MBD5: variants seen among roughly 807,000 people sequenced by gnomAD.
The protein encoded by MBD5 is methyl-CpG-binding domain protein 5.
MBD5 carries 13 observed loss-of-function variants against 117.3 expected under a neutral mutation model. That is an observed-to-expected ratio of 0.11 (90% CI 0.07 to 0.18). The LOEUF is 0.18. Ranked by LOEUF, MBD5 falls within the 10% of genes least tolerant of loss-of-function variation. The pLI, the probability that MBD5 is intolerant of heterozygous loss-of-function variation, is 1.00. For missense variants in MBD5, 1,879 were observed against 2,093.8 expected (o/e 0.90, Z 2.00); for synonymous variants, 727 against 766.4 (o/e 0.95, Z 0.85).
At chr2:148,043,070 G>A (rs1415427085) in intron 1 of MBD5, among the ~76,000 whole-genome samples, 3 of 151,896 alleles carry the variant, frequency 2.0e-5, no homozygotes, top group African/African-American at 7.3e-5. Context: ...CACCTGTATC[G>A]GAATCACCTG....
chr2:148,309,170 G>T (rs1248172503), intron 3 of MBD5, among the ~76,000 whole-genome samples: 1 of 152,090 alleles, frequency 6.6e-6, no homozygotes, highest in Non-Finnish European at 1.5e-5. Flanking sequence ...ATTTAAAGTA[G>T]TTTTTTCTAA....
At chr2:148,258,087 G>A (rs775559417) in intron 3 of MBD5, among the ~76,000 whole-genome samples, 2 of 152,054 alleles carry the variant, frequency 1.3e-5, no homozygotes, top group South Asian at 2.1e-4. Flanking sequence ...ATGTCCATCT[G>A]GCAAGCAGTA....
chr2:148,169,632 G>GA (rs1405506377), intron 1 of MBD5, among the ~76,000 whole-genome samples: 2 of 152,022 alleles, frequency 1.3e-5, no homozygotes, highest in Non-Finnish European at 2.9e-5. Flanking sequence ...TGCTTGTGAG[G>GA]AAAAAAAGAG....
chr2:148,191,102 T>C (rs1698816727), intron 2 of MBD5, among the ~76,000 whole-genome samples: 1 of 104,810 alleles, frequency 9.5e-6, no homozygotes, highest in Non-Finnish European at 1.9e-5. Context: ...CCCAGATTCA[T>C]AAAGCAAGTC....
intron 1 of MBD5, among the ~76,000 whole-genome samples, chr2:148,126,603 TG>T (rs1045208832): frequency 6.6e-6 from 1 of 152,150 alleles, no homozygotes; most frequent in Non-Finnish European, 1.5e-5. Context: ...AAGCAATCCT[TG>T]TTTATACTTA....
chr2:148,289,094 A>G (rs750616561), intron 3 of MBD5, among the ~76,000 whole-genome samples: 2 of 152,206 alleles, frequency 1.3e-5, no homozygotes, highest in Non-Finnish European at 2.9e-5. Context: ...CAACTTCCCA[A>G]ACTATAAGCT....
intron 2 of MBD5, chr2:148,219,915 A>G (rs1029389336): frequency 6.6e-6 from 1 of 152,224 alleles, no homozygotes; most frequent in Non-Finnish European, 1.5e-5. Flanking sequence ...GAATGGCTAA[A>G]GATCACCAGG....
chr2:148,138,226 T>C (rs193150703), intron 1 of MBD5, among the ~76,000 whole-genome samples: 1 of 152,352 alleles, frequency 6.6e-6, no homozygotes, highest in Non-Finnish European at 1.5e-5. Context: ...GTACAACTTA[T>C]ATGTATTTTT....
intron 1 of MBD5, among the ~76,000 whole-genome samples, chr2:148,022,511 A>G (rs1693782935): frequency 6.6e-6 from 1 of 152,164 alleles, no homozygotes; most frequent in South Asian, 2.1e-4. Flanking sequence ...GTATATTTGT[A>G]ATCTTTGTAA....
At chr2:148,352,207 T>C (rs928850012) in intron 4 of MBD5, among the ~76,000 whole-genome samples, 6 of 152,058 alleles carry the variant, frequency 3.9e-5, no homozygotes, top group African/African-American at 1.4e-4. Flanking sequence ...TCTCCTCCTT[T>C]GCTTGAAGGC....
rs1682266192 is a variant in MBD5, at chr2:148,513,071, G to C, written c.*130G>C. On this transcript the variant is annotated 3_prime_UTR_variant, in exon 14 of 14. Coordinates refer to ENST00000642680, the MANE Select transcript of MBD5 (RefSeq NM_001378120.1). ...GGCAGATAGCTACCACCACCACAGG[G>C]TGCTAAAAGAAACAGTGATACAAAA... The C allele has an allele frequency of 7.4e-6, 7 of 948,238 alleles. No individual in the cohort carries two copies. The Admixed American group carries it at 1.5e-4, about 21-fold the overall frequency. 58.7% of individuals were successfully genotyped at this position (948,238 alleles called of 1,614,324 possible). A position where few individuals can be genotyped will look rare whatever the true frequency, so the allele number is the denominator to read the frequency against.
At chr2:148,337,587 T>C (rs901825239) in intron 3 of MBD5, among the ~76,000 whole-genome samples, 31 of 152,136 alleles carry the variant, frequency 2.0e-4, no homozygotes, top group African/African-American at 7.2e-4. Flanking sequence ...CTCTGGGGAA[T>C]GAAGAGACAG....
intron 2 of MBD5, among the ~76,000 whole-genome samples, chr2:148,197,823 T>TG (rs1187197402): frequency 1.3e-4 from 20 of 149,268 alleles, no homozygotes; most frequent in African/African-American, 4.7e-4. Flanking sequence ...TTTTTGTTTT[T>TG]TTTTTTTGAG....
intron 1 of MBD5, among the ~76,000 whole-genome samples, chr2:148,086,159 C>T (rs1391337563): frequency 6.6e-6 from 1 of 150,432 alleles, no homozygotes; most frequent in East Asian, 2.0e-4. Flanking sequence ...TAAATATATA[C>T]ATGGTATATA....
intron 2 of MBD5, among the ~76,000 whole-genome samples, chr2:148,179,811 T>C (rs1041965664): frequency 1.3e-5 from 2 of 152,208 alleles, no homozygotes; most frequent in Non-Finnish European, 2.9e-5. Flanking sequence ...GTATGTGACC[T>C]GTAAACGGGA....
intron 3 of MBD5, among the ~76,000 whole-genome samples, chr2:148,239,686 T>TACAC (rs34980624): frequency 0.2 from 28,213 of 141,436 alleles, 3,007 homozygotes; most frequent in South Asian, 0.33. Context: ...TTTATTTACT[T>TACAC]ACACACACAC....
chr2:148,440,562 G>T (rs1314915110), intron 4 of MBD5, among the ~76,000 whole-genome samples: 1 of 150,516 alleles, frequency 6.6e-6, no homozygotes, highest in Non-Finnish European at 1.5e-5. Flanking sequence ...TCTATCTATG[G>T]TTATATTTTA....
chr2:148,068,944 G>A (rs1312852283), intron 1 of MBD5, among the ~76,000 whole-genome samples: 1 of 152,158 alleles, frequency 6.6e-6, no homozygotes, highest in Non-Finnish European at 1.5e-5. Flanking sequence ...ACCAATAGGT[G>A]AGAGAAAATA....
At chr2:148,199,684 C>T (rs1247393734) in intron 2 of MBD5, among the ~76,000 whole-genome samples, 1 of 151,726 alleles carries the variant, frequency 6.6e-6, no homozygotes, top group Non-Finnish European at 1.5e-5. Flanking sequence ...CACTTAAGCC[C>T]AGGAAGTTGA....
Sources: allele counts gnomAD v4.1 joint callset (sites outside exome capture counted in the v4.1 genomes callset), GRCh38; gene constraint gnomAD v4.1.1; transcripts MANE v1.5; gene names NCBI Gene and HGNC (gene_info 2026-07-23, HGNC 2026-07-21).